The following TENM3 variants were observed in gnomAD, a reference collection of about 807,000 sequenced individuals.
TENM3 encodes teneurin-3.
Under a neutral mutation model 255.1 loss-of-function variants are expected in TENM3, and 63 were observed. That is an observed-to-expected ratio of 0.25 (90% CI 0.20 to 0.30). The LOEUF (loss-of-function observed/expected upper bound fraction) is 0.30. Among genes scored for constraint, TENM3 ranks in the 10% least tolerant of loss-of-function variants. The pLI is 1.00. For missense variants in TENM3, 2,929 were observed against 3,461.1 expected (o/e 0.85, Z 3.86); for synonymous variants, 1,306 against 1,322.3 (o/e 0.99, Z 0.27).
intron 3 of TENM3, among the ~76,000 whole-genome samples, chr4:182,440,175 C>G (rs554094245): frequency 7.1e-6 from 1 of 140,432 alleles, no homozygotes; most frequent in South Asian, 2.3e-4. Context: ...TGCAGCCGTG[C>G]GATCTCGGCT....
At chr4:181,847,559 A>G in the TENM3 span, among the ~76,000 whole-genome samples, 1 of 152,088 alleles carries the variant, frequency 6.6e-6, no homozygotes, top group East Asian at 1.9e-4. Flanking sequence ...GAAAAACATT[A>G]TATTGATCAT....
chr4:182,801,496 A>AGTT lies in TENM3; in HGVS notation c.*1150_*1152dup, dbSNP rs550638988. 6.6e-6 allele frequency: 1 copy of AGTT among 152,174 alleles called. No homozygotes were observed. Among genetic ancestry groups the AGTT allele is most frequent in the Non-Finnish European group, 1.5e-5 (1 of 68,030 alleles). 9.4% of individuals were successfully genotyped at this position (152,174 alleles called of 1,614,324 possible). On this transcript the variant is annotated 3_prime_UTR_variant, in exon 28 of 28. Transcript: ENST00000511685. ...CTCTCAACCTTGCAAGTCAATGGGGAGTTGTTGATATAATTAACCCCGAGG... is the reference window on the plus strand; with the variant it reads ...CTCTCAACCTTGCAAGTCAATGGGGAGTTGTTGTTGATATAATTAACCCCGAGG...
intron 3 of TENM3, among the ~76,000 whole-genome samples, chr4:182,568,469 C>G (rs2152004349): frequency 1.3e-5 from 2 of 152,272 alleles, no homozygotes; most frequent in African/African-American, 4.8e-5. Flanking sequence ...TAAGTTTACC[C>G]CGTTAGAATG....
At chr4:181,939,262 A>G in the TENM3 span, among the ~76,000 whole-genome samples, 1 of 152,184 alleles carries the variant, frequency 6.6e-6, no homozygotes, top group Admixed American at 6.5e-5. Flanking sequence ...GCAGGAAGGA[A>G]GGTATGTGTC....
chr4:182,169,322 G>A (rs747996431), intron 1 of TENM3: 1 of 478,922 alleles, frequency 2.1e-6, no homozygotes, highest in Non-Finnish European at 4.4e-6. Context: ...CATTAGTTTT[G>A]AATGTTTATT....
At chr4:181,922,377 G>A in the TENM3 span, among the ~76,000 whole-genome samples, 1 of 152,074 alleles carries the variant, frequency 6.6e-6, no homozygotes, top group African/African-American at 2.4e-5. Context: ...ACTCTTTTTG[G>A]TTGCTAAGCT....
chr4:182,711,986 A>G (rs1758781165), intron 12 of TENM3, among the ~76,000 whole-genome samples: 1 of 152,176 alleles, frequency 6.6e-6, no homozygotes, highest in Admixed American at 6.5e-5. Flanking sequence ...CTCTTATCAC[A>G]GAATAAGAAA....
the TENM3 span, among the ~76,000 whole-genome samples, chr4:181,970,851 G>A: frequency 6.6e-6 from 1 of 152,192 alleles, no homozygotes; most frequent in African/African-American, 2.4e-5. Flanking sequence ...TGATATTTTT[G>A]TGAGCTGCAA....
intron 12 of TENM3, among the ~76,000 whole-genome samples, chr4:182,704,260 A>G (rs1214833093): frequency 1.3e-5 from 2 of 152,228 alleles, no homozygotes; most frequent in African/African-American, 2.4e-5. Context: ...CACAAAACTC[A>G]TACATCACAC....
the TENM3 span, among the ~76,000 whole-genome samples, chr4:181,970,838 A>G: frequency 6.6e-6 from 1 of 152,272 alleles, no homozygotes; most frequent in Admixed American, 6.5e-5. Context: ...AAATAAAAAT[A>G]AATGATATTT....
chr4:182,016,067 T>A, the TENM3 span, among the ~76,000 whole-genome samples: 1 of 152,290 alleles, frequency 6.6e-6, no homozygotes, highest in Admixed American at 6.5e-5. Context: ...GCCTGAGCGG[T>A]TAAAGATTTG....
chr4:182,140,315 TTC>T (rs1749304866), upstream of TENM3, among the ~76,000 whole-genome samples: 1 of 152,206 alleles, frequency 6.6e-6, no homozygotes, highest in South Asian at 2.1e-4. Context: ...CTATTTGCTG[TTC>T]TCAGTTGAGA....
chr4:181,802,256 A>G, the TENM3 span, among the ~76,000 whole-genome samples: 2 of 152,192 alleles, frequency 1.3e-5, no homozygotes, highest in Non-Finnish European at 2.9e-5. Context: ...GAACTCAGAG[A>G]TGGTGCTGGA....
intron 4 of TENM3, among the ~76,000 whole-genome samples, chr4:182,619,494 C>T (rs1305877595): frequency 6.6e-6 from 1 of 151,870 alleles, no homozygotes; most frequent in Non-Finnish European, 1.5e-5. Flanking sequence ...ACTCTAAAGC[C>T]AGATCAACAA....
chr4:181,637,891 G>T, the TENM3 span, among the ~76,000 whole-genome samples: 12 of 152,266 alleles, frequency 7.9e-5, no homozygotes, highest in Non-Finnish European at 1.8e-4. Context: ...GTGAACAAAT[G>T]AGTAAATGGG....
At chr4:182,270,367 T>C (rs2150212453) in intron 1 of TENM3, among the ~76,000 whole-genome samples, 1 of 152,370 alleles carries the variant, frequency 6.6e-6, no homozygotes, top group Admixed American at 6.5e-5. Flanking sequence ...CTTCAAGGTC[T>C]GCTATCTGTC....
At chr4:182,468,392 A>C (rs1457819611) in intron 3 of TENM3, among the ~76,000 whole-genome samples, 1 of 152,218 alleles carries the variant, frequency 6.6e-6, no homozygotes, top group Admixed American at 6.5e-5. Flanking sequence ...GCTGGATGCC[A>C]GAAGACATGA....
intron 1 of TENM3, among the ~76,000 whole-genome samples, chr4:182,314,066 A>G (rs1762601701): frequency 6.6e-6 from 1 of 152,176 alleles, no homozygotes; most frequent in African/African-American, 2.4e-5. Flanking sequence ...TAATCCCAGC[A>G]GTTGGGGAGT....
chr4:182,380,424 T>A (rs1767486661), intron 3 of TENM3, among the ~76,000 whole-genome samples: 1 of 152,242 alleles, frequency 6.6e-6, no homozygotes, highest in Non-Finnish European at 1.5e-5. Context: ...ACAGGCACCA[T>A]GTCCACTTCG....
Sources: allele counts gnomAD v4.1 joint callset (sites outside exome capture counted in the v4.1 genomes callset), GRCh38; gene constraint gnomAD v4.1.1; transcripts MANE v1.5; gene names NCBI Gene and HGNC (gene_info 2026-07-23, HGNC 2026-07-21).